Variants in RBFOX1 observed in about 807,000 individuals in gnomAD.
The protein encoded by RBFOX1 is RNA binding protein fox-1 homolog 1.
In RBFOX1, 8 loss-of-function variants were observed where a neutral mutation model predicts 57.7. That is an observed-to-expected ratio of 0.14 (90% CI 0.08 to 0.25). The LOEUF is 0.25. Ranked by LOEUF, RBFOX1 falls within the 10% of genes least tolerant of loss-of-function variation. The pLI is 1.00. For synonymous variants in RBFOX1, 326 were observed against 222.4 expected (o/e 1.47, Z -4.15); for missense variants, 611 against 548.5 (o/e 1.11, Z -1.14).
chr16:5,752,849 T>A (rs1011632228), intron 3 of RBFOX1, among the ~76,000 whole-genome samples: 1 of 152,024 alleles, frequency 6.6e-6, no homozygotes, highest in South Asian at 2.1e-4. Flanking sequence ...AGAAATAAAT[T>A]CAGAGAGAAA....
At chr16:7,220,103 C>G (rs2092607704) in intron 4 of RBFOX1, among the ~76,000 whole-genome samples, 1 of 152,274 alleles carries the variant, frequency 6.6e-6, no homozygotes, top group East Asian at 1.9e-4. Context: ...TCAGACCAAA[C>G]AAAATTCACC....
At chr16:7,309,252 A>C (rs892693583) in intron 4 of RBFOX1, among the ~76,000 whole-genome samples, 3 of 152,246 alleles carry the variant, frequency 2.0e-5, no homozygotes, top group Non-Finnish European at 4.4e-5. Context: ...GTTATCAGCC[A>C]GGTAAGGCCC....
At chr16:6,875,091 G>T (rs1178072862) in intron 3 of RBFOX1, among the ~76,000 whole-genome samples, 1 of 152,106 alleles carries the variant, frequency 6.6e-6, no homozygotes, top group African/African-American at 2.4e-5. Context: ...CAAAATGTAG[G>T]TTGTAATCTT....
At chr16:6,127,837 A>T (rs951886068) in intron 1 of RBFOX1, among the ~76,000 whole-genome samples, 1 of 152,228 alleles carries the variant, frequency 6.6e-6, no homozygotes, top group African/African-American at 2.4e-5. Flanking sequence ...AAACCTAAAA[A>T]AAATTTTTTT....
chr16:6,536,168 C>T (rs978925311), intron 2 of RBFOX1, among the ~76,000 whole-genome samples: 1 of 152,176 alleles, frequency 6.6e-6, no homozygotes. Flanking sequence ...CATCACAAGA[C>T]TACAGTCTAC....
At chr16:5,657,607 GCTTTCTTTCTTTCTCT>G (rs1211234506) in intron 3 of RBFOX1, among the ~76,000 whole-genome samples, 112 of 94,178 alleles carry the variant, frequency 1.2e-3, no homozygotes, top group South Asian at 7.9e-3. Flanking sequence ...TTTCTCGCTC[GCTTTCTTTCTTTCTCT>G]CTTTCTTTCT....
intron 4 of RBFOX1, among the ~76,000 whole-genome samples, chr16:7,478,627 G>C (rs1384912099): frequency 6.6e-6 from 1 of 152,114 alleles, no homozygotes; most frequent in African/African-American, 2.4e-5. Context: ...CATTATAAAT[G>C]ATTCAACTTA....
intron 2 of RBFOX1, among the ~76,000 whole-genome samples, chr16:6,611,094 G>C (rs757369263): frequency 1.3e-5 from 2 of 152,146 alleles, no homozygotes; most frequent in Non-Finnish European, 2.9e-5. Context: ...GAAACCAACA[G>C]GAACCCATAA....
chr16:5,855,276 T>G (rs1372547415), intron 3 of RBFOX1, among the ~76,000 whole-genome samples: 1 of 152,216 alleles, frequency 6.6e-6, no homozygotes, highest in Non-Finnish European at 1.5e-5. Context: ...GTTTTTGGTG[T>G]TATATTAAAA....
At chr16:7,047,649 A>G (rs1039586757) in intron 3 of RBFOX1, among the ~76,000 whole-genome samples, 1 of 126,694 alleles carries the variant, frequency 7.9e-6, no homozygotes, top group South Asian at 2.5e-4. Flanking sequence ...CTTTATCCTT[A>G]TATTCTAGAA....
At chr16:5,962,774 C>G (rs186159166) in intron 4 of RBFOX1, among the ~76,000 whole-genome samples, 1 of 147,978 alleles carries the variant, frequency 6.8e-6, no homozygotes, top group Middle Eastern at 3.6e-3. Flanking sequence ...GGGTCATTCG[C>G]TTTTCAGTAA....
At chr16:6,511,672 C>G (rs1436227507) in intron 2 of RBFOX1, among the ~76,000 whole-genome samples, 1 of 152,060 alleles carries the variant, frequency 6.6e-6, no homozygotes, top group African/African-American at 2.4e-5. Context: ...AAGAAAGAAA[C>G]CTTTTGCTTT....
chr16:6,326,048 A>G (rs961988552), intron 2 of RBFOX1, among the ~76,000 whole-genome samples: 1 of 152,172 alleles, frequency 6.6e-6, no homozygotes, highest in African/African-American at 2.4e-5. Context: ...ATGCATATGC[A>G]TTGGCAGAAA....
At chr16:7,449,987 G>A (rs1043282333) in intron 4 of RBFOX1, among the ~76,000 whole-genome samples, 1 of 152,064 alleles carries the variant, frequency 6.6e-6, no homozygotes, top group Non-Finnish European at 1.5e-5. Flanking sequence ...GGAGGGAGAA[G>A]GGCACTCCGG....
intron 2 of RBFOX1, among the ~76,000 whole-genome samples, chr16:6,511,607 C>T (rs1479850766): frequency 6.6e-6 from 1 of 152,014 alleles, no homozygotes; most frequent in Non-Finnish European, 1.5e-5. Flanking sequence ...ACATAATTGC[C>T]CTGGTTAGAA....
intron 1 of RBFOX1, among the ~76,000 whole-genome samples, chr16:6,213,440 ACCT>A (rs1251804357): frequency 6.6e-6 from 1 of 150,474 alleles, no homozygotes; most frequent in Admixed American, 6.6e-5. Context: ...AATATGGAAA[ACCT>A]CCTAGACAGC....
intron 4 of RBFOX1, among the ~76,000 whole-genome samples, chr16:7,085,872 G>T (rs984982768): frequency 6.6e-5 from 10 of 152,188 alleles, no homozygotes; most frequent in Non-Finnish European, 1.3e-4. Context: ...CCAGGAAACC[G>T]TTCTGCCCCA....
chr16:5,767,816 G>A (rs913486789), intron 3 of RBFOX1, among the ~76,000 whole-genome samples: 1 of 152,048 alleles, frequency 6.6e-6, no homozygotes, highest in South Asian at 2.1e-4. Flanking sequence ...AGGGGCTCTC[G>A]ACTTTGGCCA....
chr16:6,912,180 G>C (rs866845432), intron 3 of RBFOX1, among the ~76,000 whole-genome samples: 45 of 152,154 alleles, frequency 3.0e-4, no homozygotes, highest in African/African-American at 9.4e-4. Context: ...TAAATAATCT[G>C]AAACTTAAAT....
Sources: gnomAD v4.1 joint callset for allele counts (sites outside exome capture counted in the v4.1 genomes callset) on GRCh38, gnomAD v4.1.1 for gene constraint, MANE v1.5 for transcripts, NCBI Gene and HGNC (gene_info 2026-07-23, HGNC 2026-07-21) for gene names.